VPS37A: variants seen among roughly 807,000 people sequenced by gnomAD.
The protein encoded by VPS37A is vacuolar protein sorting-associated protein 37A.
In VPS37A, 30 loss-of-function variants were observed where a neutral mutation model predicts 49.8. The ratio of observed to expected loss-of-function variants is 0.60; its 90% confidence interval spans 0.45 to 0.82. VPS37A has a LOEUF of 0.82. Among genes scored for constraint, VPS37A ranks in the 40% least tolerant of loss-of-function variants. VPS37A has a pLI of 0.00. For synonymous variants in VPS37A, 195 were observed against 160.6 expected (o/e 1.21, Z -1.62); for missense variants, 593 against 464.4 (o/e 1.28, Z -2.55).
chr8:17,264,004 A>G (rs571956544), intron 1 of VPS37A, among the ~76,000 whole-genome samples: 1 of 152,204 alleles, frequency 6.6e-6, no homozygotes, highest in Non-Finnish European at 1.5e-5. Flanking sequence ...CATGTTCTAC[A>G]TGCCTATTTA....
At chr8:17,267,790 TA>T (rs945241503) in intron 2 of VPS37A, among the ~76,000 whole-genome samples, 1 of 152,176 alleles carries the variant, frequency 6.6e-6, no homozygotes, top group Non-Finnish European at 1.5e-5. Flanking sequence ...GCCTCCCAAG[TA>T]ACTGGGACTA....
chr8:17,305,850 T>C (rs201455556), downstream of VPS37A: 55 of 1,613,702 alleles, frequency 3.4e-5, no homozygotes, highest in South Asian at 2.3e-4. Flanking sequence ...AAACCTCTCA[T>C]TGAACTCAAA....
chr8:17,285,058 A>AT (rs34202191), intron 10 of VPS37A, among the ~76,000 whole-genome samples: 12 of 151,222 alleles, frequency 7.9e-5, no homozygotes, highest in Admixed American at 3.3e-4. Context: ...AAAAAAAAAA[A>AT]TTTTTTTTTT....
chr8:17,332,961 G>A, the VPS37A span, among the ~76,000 whole-genome samples: 1 of 152,110 alleles, frequency 6.6e-6, no homozygotes. Context: ...GGATGCCCCT[G>A]TAATCTTTCA....
At chr8:17,316,847 T>C in the VPS37A span, among the ~76,000 whole-genome samples, 27 of 152,204 alleles carry the variant, frequency 1.8e-4, 1 homozygote, top group Admixed American at 7.2e-4. Flanking sequence ...GTGTGTGGAT[T>C]TGAGAATCTA....
At chr8:17,258,559 G>C (rs180703123) in intron 1 of VPS37A, among the ~76,000 whole-genome samples, 3 of 152,138 alleles carry the variant, frequency 2.0e-5, no homozygotes, top group African/African-American at 7.2e-5. Flanking sequence ...TTGTTCAGGA[G>C]TTTTGTATGT....
At chr8:17,302,443 GT>G (rs897122681), downstream of VPS37A, 5 of 720,488 alleles carry the variant, frequency 6.9e-6, no homozygotes, top group African/African-American at 3.7e-5. Context: ...TCATGTTGAT[GT>G]TTTTTTTCTT....
intron 5 of VPS37A, 100 bp from the exon 6 acceptor site, chr8:17,276,295 AAC>A: frequency 1.2e-6 from 1 of 848,018 alleles, no homozygotes; most frequent in South Asian, 1.9e-5. Flanking sequence ...TGATAATGCA[AAC>A]AGTTATGGGA....
intron 11 of VPS37A, among the ~76,000 whole-genome samples, chr8:17,293,016 G>A (rs907440305): frequency 6.6e-5 from 10 of 152,140 alleles, no homozygotes; most frequent in African/African-American, 2.4e-4. Context: ...CTAGGTTGGG[G>A]AAGTTCTCCT....
At chr8:17,271,435 C>G (rs957979638) in intron 4 of VPS37A, among the ~76,000 whole-genome samples, 6 of 152,086 alleles carry the variant, frequency 3.9e-5, no homozygotes, top group Admixed American at 1.3e-4. Context: ...GAAACCTCGT[C>G]TCTACTAAAA....
At chr8:17,307,794 A>G in the VPS37A span, among the ~76,000 whole-genome samples, 1 of 152,034 alleles carries the variant, frequency 6.6e-6, no homozygotes, top group Non-Finnish European at 1.5e-5. Flanking sequence ...GGACAAAAAA[A>G]CCAAACACCA....
In VPS37A at chr8:17,269,063, A is replaced by C. The variant is rs540443206; in HGVS notation, c.416+107A>C. On this transcript the variant is annotated intron_variant, in intron 4 of 11. Transcript: ENST00000324849. ...GTTAAAAATCAGTCCTCTGATTTCT[A>C]CATCCCCACAAATACATCCATACTT... The C allele has an allele frequency of 4.7e-5, 35 of 746,140 alleles. No homozygotes were observed. In the African/African-American group the frequency reaches 5.9e-4, roughly 13 times the overall value. 46.2% of individuals were successfully genotyped at this position (746,140 alleles called of 1,614,324 possible).
At chr8:17,257,556 A>G (rs904670124) in intron 1 of VPS37A, among the ~76,000 whole-genome samples, 1 of 152,170 alleles carries the variant, frequency 6.6e-6, no homozygotes, top group African/African-American at 2.4e-5. Flanking sequence ...TGATGGGTGC[A>G]GCAAACCACC....
the VPS37A span, among the ~76,000 whole-genome samples, chr8:17,332,590 T>C: frequency 6.6e-6 from 1 of 152,188 alleles, no homozygotes; most frequent in South Asian, 2.1e-4. Context: ...GAAAAGTGCA[T>C]GGCAAACTGG....
In VPS37A at chr8:17,274,731, A is replaced by G. The variant is rs752142940; in HGVS notation, c.417-2A>G. 4 of 1,605,646 alleles carry G rather than the reference A, an allele frequency of 2.5e-6. No homozygotes were observed. The highest frequency in any genetic ancestry group is 3.4e-5 in the Admixed American group (2 of 58,796). On this transcript the variant is annotated splice_acceptor_variant, in intron 4 of 11. Transcript: ENST00000324849. LOFTEE classifies it high-confidence loss of function. ...GTAATGATCTTCTCTTTTTCTTTTC[A>G]GTCTATACAGTAACCCAAGTGGGAT...
the VPS37A span, chr8:17,313,400 C>A: frequency 1.2e-6 from 2 of 1,603,656 alleles, no homozygotes; most frequent in Non-Finnish European, 1.7e-6. Context: ...TAAGTTCACA[C>A]ACTGCAAGAT....
chr8:17,276,435 C>T lies in VPS37A; in HGVS notation c.681C>T (p.Val227=). 2 of 1,612,370 alleles carry T rather than the reference C, an allele frequency of 1.2e-6. No homozygotes were observed. Among genetic ancestry groups the T allele is most frequent in the African/African-American group, 1.3e-5 (1 of 74,932 alleles). The change falls in exon 6 of 12, where the codon GTC becomes GTT. Residue 227 remains valine, a synonymous_variant. Coordinates refer to ENST00000324849, the MANE Select transcript of VPS37A (RefSeq NM_152415.3). ...GTTTTGGGTACAAGATGCCAGATGT[C>T]CCTGATGCATTTCCAGAACTCTCAG... ...QNGFGYKMPD[V]PDAFPELSEL...
chr8:17,325,620 C>T, the VPS37A span, among the ~76,000 whole-genome samples: 4 of 152,226 alleles, frequency 2.6e-5, no homozygotes, highest in Non-Finnish European at 4.4e-5. Context: ...TCTGGGCTCA[C>T]TTCCCCTGCT....
the VPS37A span, among the ~76,000 whole-genome samples, chr8:17,329,986 C>T: frequency 6.6e-6 from 1 of 152,186 alleles, no homozygotes; most frequent in African/African-American, 2.4e-5. Context: ...CAAACTGTCA[C>T]AGCTGGAAGA....
Sources: gnomAD v4.1 joint callset for allele counts (sites outside exome capture counted in the v4.1 genomes callset) on GRCh38, gnomAD v4.1.1 for gene constraint, MANE v1.5 for transcripts, NCBI Gene and HGNC (gene_info 2026-07-23, HGNC 2026-07-21) for gene names.